Variants in SLC25A26 observed in about 807,000 individuals in gnomAD.
SLC25A26 encodes mitochondrial S-adenosylmethionine carrier protein.
SLC25A26 carries 36 observed loss-of-function variants against 37.8 expected under a neutral mutation model. That is an observed-to-expected ratio of 0.95 (90% CI 0.73 to 1.26). The LOEUF (loss-of-function observed/expected upper bound fraction) is 1.26, where lower values mean the gene tolerates loss of function less well. Among genes scored for constraint, SLC25A26 ranks in the 50% most tolerant of loss-of-function variants. The pLI, the probability that SLC25A26 is intolerant of heterozygous loss-of-function variation, is 0.00. For missense variants in SLC25A26, 390 were observed against 331.1 expected (o/e 1.18, Z -1.38); for synonymous variants, 129 against 122.5 (o/e 1.05, Z -0.35).
intron 1 of SLC25A26, among the ~76,000 whole-genome samples, chr3:66,207,286 C>A (rs985232987): frequency 3.4e-4 from 52 of 152,240 alleles, no homozygotes; most frequent in Middle Eastern, 3.4e-3. Flanking sequence ...TCCCCCCCAT[C>A]CTTTAGACCA....
At chr3:66,209,089 T>TATATATATATATATATATATACACAAAAA (rs2071233150) in intron 1 of SLC25A26, among the ~76,000 whole-genome samples, 2 of 7,236 alleles carry the variant, frequency 2.8e-4, no homozygotes, top group Non-Finnish European at 6.0e-4. Context: ...CATATAAAGA[T>TATATATATATATATATATATACACAAAAA]GTATATATAT....
At chr3:66,219,864 A>G (rs1576647336), upstream of SLC25A26, among the ~76,000 whole-genome samples, 15 of 152,342 alleles carry the variant, frequency 9.8e-5, no homozygotes, top group South Asian at 3.1e-3. Context: ...TGACAAAGTG[A>G]CTATCATTAT....
chr3:66,204,474 A>C (rs1434606609), intron 1 of SLC25A26, among the ~76,000 whole-genome samples: 2 of 151,816 alleles, frequency 1.3e-5, no homozygotes, highest in Non-Finnish European at 2.9e-5. Context: ...AGAAAAAAGA[A>C]AATAATGAGA....
At position 66,230,498 on chromosome 3, in the gene SLC25A26, G is replaced by GAC. The variant is rs999625454; in HGVS notation, c.34-6044_34-6043dup. Among the ~76,000 whole-genome samples, 168 of 152,024 alleles carry GAC rather than the reference G, an allele frequency of 1.1e-3. 1 individual carries two copies. Among genetic ancestry groups the GAC allele is most frequent in the Non-Finnish European group, 1.6e-4 (11 of 67,988 alleles). ...GGTTTGCTGGCTGCAATAGGCAGGA[G>GAC]ACAAGGATAAGAAGGGAATTTTAGG... On this transcript the variant is annotated intron_variant, in intron 1 of 9. Coordinates refer to ENST00000354883, the MANE Select transcript of SLC25A26 (RefSeq NM_001379210.1).
At chr3:66,200,389 A>G (rs1159264838) in intron 1 of SLC25A26, among the ~76,000 whole-genome samples, 1 of 152,240 alleles carries the variant, frequency 6.6e-6, no homozygotes, top group East Asian at 1.9e-4. Context: ...GGTGGGTGGC[A>G]CAGCATACAG....
chr3:66,247,390 C>T (rs1354173075), intron 3 of SLC25A26, among the ~76,000 whole-genome samples: 1 of 152,074 alleles, frequency 6.6e-6, no homozygotes, highest in Non-Finnish European at 1.5e-5. Flanking sequence ...CTGCTGTAGC[C>T]TGTAACTTCT....
chr3:66,221,045 T>A lies in SLC25A26; in HGVS notation c.-50T>A. On this transcript the variant is annotated 5_prime_UTR_variant, in exon 1 of 10. Coordinates refer to ENST00000354883, the MANE Select transcript of SLC25A26 (RefSeq NM_001379210.1). ...CGGCGCCCAGCGCGCGAGGACGTGATCCGCTTCTGCTCCGGCTTGGATTGT... is the reference window on the plus strand; with the variant it reads ...CGGCGCCCAGCGCGCGAGGACGTGAACCGCTTCTGCTCCGGCTTGGATTGT... 1 of 1,534,170 alleles carries A rather than the reference T, an allele frequency of 6.5e-7. No individual in the cohort carries two copies. Among genetic ancestry groups the A allele is most frequent in the Non-Finnish European group, 8.7e-7 (1 of 1,144,682 alleles).
chr3:66,222,196 T>C (rs1029204283), intron 1 of SLC25A26, among the ~76,000 whole-genome samples: 1 of 151,768 alleles, frequency 6.6e-6, no homozygotes, highest in Non-Finnish European at 1.5e-5. Flanking sequence ...TTTTTTTTTT[T>C]TTTGAGAAGG....
At chr3:66,312,160 G>A (rs1033603184) in intron 5 of SLC25A26, among the ~76,000 whole-genome samples, 5 of 152,200 alleles carry the variant, frequency 3.3e-5, no homozygotes, top group Admixed American at 2.0e-4. Context: ...CCTGACTGGG[G>A]CTGCTGCCTT....
In SLC25A26 at chr3:66,198,563, G is replaced by A. The variant is rs903289299; in HGVS notation, c.-353-22179G>A. ...ACTCTATTCCCCACCATGACCCTGA[G>A]GCTGATCCCACCCACACCCTCTACA... On this transcript the variant is annotated intron_variant, in intron 1 of 10. Coordinates refer to the SLC25A26 transcript ENST00000676754. Among the ~76,000 whole-genome samples, 156 of 151,236 alleles carry A rather than the reference G, an allele frequency of 1.0e-3. 5 individuals carry two copies. The highest frequency in any genetic ancestry group is 3.4e-3 in the African/African-American group (142 of 41,184).
chr3:66,262,400 C>G (rs961345372), intron 4 of SLC25A26, among the ~76,000 whole-genome samples: 1 of 152,132 alleles, frequency 6.6e-6, no homozygotes, highest in Non-Finnish European at 1.5e-5. Context: ...TCCTGCAGTT[C>G]TTCTGGAATC....
intron 5 of SLC25A26, among the ~76,000 whole-genome samples, chr3:66,319,400 G>A (rs2075630958): frequency 6.6e-6 from 1 of 152,050 alleles, no homozygotes; most frequent in African/African-American, 2.4e-5. Flanking sequence ...GCATCCTGCT[G>A]GTCTGTTTTA....
At chr3:66,212,780 C>T (rs1282685099) in intron 1 of SLC25A26, among the ~76,000 whole-genome samples, 1 of 152,118 alleles carries the variant, frequency 6.6e-6, no homozygotes, top group Non-Finnish European at 1.5e-5. Flanking sequence ...AGCATAATGT[C>T]TTCAAGTTTC....
intron 1 of SLC25A26, among the ~76,000 whole-genome samples, chr3:66,160,885 A>C (rs2070349399): frequency 6.6e-6 from 1 of 152,156 alleles, no homozygotes; most frequent in Non-Finnish European, 1.5e-5. Flanking sequence ...TAGTGAGCTG[A>C]GATCATACCA....
At chr3:66,349,560 G>A (rs757478641) in intron 6 of SLC25A26, among the ~76,000 whole-genome samples, 204 of 151,952 alleles carry the variant, frequency 1.3e-3, no homozygotes, top group Non-Finnish European at 2.0e-3. Flanking sequence ...TTACTTTGTA[G>A]TATTCCATAT....
chr3:66,358,583 G>A (rs948865868), intron 6 of SLC25A26, among the ~76,000 whole-genome samples: 4 of 152,196 alleles, frequency 2.6e-5, no homozygotes, highest in African/African-American at 9.7e-5. Context: ...CCACACCAGA[G>A]TGTCCCATCC....
chr3:66,356,236 A>T (rs1575604023), intron 6 of SLC25A26, among the ~76,000 whole-genome samples: 1 of 151,940 alleles, frequency 6.6e-6, no homozygotes, highest in African/African-American at 2.4e-5. Flanking sequence ...CTGGGGTTGG[A>T]CTCCCAGCCA....
At chr3:66,135,169 A>G (rs1053819251) in intron 1 of SLC25A26, among the ~76,000 whole-genome samples, 2 of 152,158 alleles carry the variant, frequency 1.3e-5, no homozygotes, top group Non-Finnish European at 2.9e-5. Flanking sequence ...CTGGTTTTAT[A>G]AAGTTCAAAT....
intron 3 of SLC25A26, among the ~76,000 whole-genome samples, chr3:66,249,793 A>C (rs1057341905): frequency 6.6e-6 from 1 of 152,234 alleles, no homozygotes; most frequent in African/African-American, 2.4e-5. Context: ...AGTGAAATGT[A>C]GCTGATGATG....
Sources: gnomAD v4.1 joint callset for allele counts (sites outside exome capture counted in the v4.1 genomes callset) on GRCh38, gnomAD v4.1.1 for gene constraint, MANE v1.5 for transcripts, NCBI Gene and HGNC (gene_info 2026-07-23, HGNC 2026-07-21) for gene names.